SH3BGRL: variants seen among roughly 807,000 people sequenced by gnomAD.
SH3BGRL encodes adapter SH3BGRL.
In SH3BGRL, 7 loss-of-function variants were observed where a neutral mutation model predicts 9.8. The ratio of observed to expected loss-of-function variants is 0.72; its 90% CI spans 0.41 to 1.35. SH3BGRL has a LOEUF of 1.35. Ranked by LOEUF, SH3BGRL falls within the 40% of genes most tolerant of loss-of-function variation. SH3BGRL has a pLI of 0.01. For missense variants in SH3BGRL, 73 were observed against 84.4 expected, an observed-to-expected ratio of 0.86 and a Z score of 0.53; for synonymous variants, 36 against 29.1, an observed-to-expected ratio of 1.24 and a Z score of -0.76.
chrX:81,251,119 G>A (rs1159118122), intron 1 of SH3BGRL, among the ~76,000 whole-genome samples: 1 of 111,619 alleles, frequency 9.0e-6, no homozygotes, highest in Non-Finnish European at 1.9e-5. Flanking sequence ...ACTAAATTGG[G>A]CAATCTGAGA....
chrX:81,242,100 G>C (rs1418137429), intron 1 of SH3BGRL, among the ~76,000 whole-genome samples: 1 of 112,492 alleles, frequency 8.9e-6, no homozygotes, highest in Non-Finnish European at 1.9e-5. Context: ...GAAGCAGAAG[G>C]TGCTGCCAGC....
chrX:81,214,174 C>T (rs1007423167), intron 1 of SH3BGRL, among the ~76,000 whole-genome samples: 6 of 111,585 alleles, frequency 5.4e-5, no homozygotes, highest in Non-Finnish European at 9.4e-5. Flanking sequence ...TTGTTAGTTC[C>T]ATACAGGAAT....
At chrX:81,293,964 G>T (rs2075866286) in intron 3 of SH3BGRL, among the ~76,000 whole-genome samples, 1 of 111,573 alleles carries the variant, frequency 9.0e-6, no homozygotes, top group Non-Finnish European at 1.9e-5. Context: ...GGGATTTATA[G>T]AACTTTGAAC....
At position 81,281,222 on chromosome X, in the gene SH3BGRL, A is replaced by G. The variant is rs956266556; in HGVS notation, c.312+2811A>G. 2.7e-5 allele frequency among the ~76,000 whole-genome samples: 3 copies of G among 111,403 alleles called. No individual in the cohort carries two copies. In the Admixed American group the frequency reaches 2.9e-4, roughly 11 times the overall value. On this transcript the variant is annotated intron_variant, in intron 3 of 3. Coordinates refer to ENST00000373212, the MANE Select transcript of SH3BGRL (RefSeq NM_003022.3). ...ATAATTGGAGTTCCTGAGGAAGAAG[A>G]GAATTCTAAAATCTTGGAAAACATA...
chrX:81,287,306 C>A (rs754377874), intron 3 of SH3BGRL, among the ~76,000 whole-genome samples: 1 of 111,630 alleles, frequency 9.0e-6, no homozygotes, highest in East Asian at 2.8e-4. Context: ...ACTTATACTG[C>A]AGGAATTCAA....
At position 81,248,190 on chromosome X, in the gene SH3BGRL, ATGTCTTTT is replaced by A. The variant is rs777115029; in HGVS notation, c.46-28786_46-28779del. On this transcript the variant is annotated intron_variant, in intron 1 of 3. Transcript: ENST00000373212. ...TTCTGATTATGCTTATTTGAATCTT[ATGTCTTTT>A]TGTCTTTGTTAATCTAGATAGTGTA... 4.5e-5 allele frequency among the ~76,000 whole-genome samples: 5 copies of A among 110,604 alleles called. No homozygotes were observed. The East Asian group carries it at 1.4e-3, about 32-fold the overall frequency.
At chrX:81,226,831 C>CT (rs1400557345) in intron 1 of SH3BGRL, among the ~76,000 whole-genome samples, 5 of 110,034 alleles carry the variant, frequency 4.5e-5, no homozygotes, top group African/African-American at 1.6e-4. Flanking sequence ...AGAATCTCTC[C>CT]TAGAGCCCTC....
At chrX:81,292,168 G>A (rs142367393) in intron 3 of SH3BGRL, among the ~76,000 whole-genome samples, 1 of 112,160 alleles carries the variant, frequency 8.9e-6, no homozygotes, top group African/African-American at 3.2e-5. Context: ...CCCCAGTAGA[G>A]GTTCTGCATG....
At chrX:81,280,228 G>T (rs975969136) in intron 3 of SH3BGRL, among the ~76,000 whole-genome samples, 3 of 110,327 alleles carry the variant, frequency 2.7e-5, no homozygotes, top group African/African-American at 9.9e-5. Context: ...CCACCTGATG[G>T]TCCTTCCCTT....
At chrX:81,287,101 A>AAACTTCTTTCCCTATATGTGT (rs1404308997) in intron 3 of SH3BGRL, among the ~76,000 whole-genome samples, 207 of 111,664 alleles carry the variant, frequency 1.9e-3, no homozygotes, top group African/African-American at 6.2e-3. Flanking sequence ...TTAGGGAAAT[A>AAACTTCTTTCCCTATATGTGT]AACTTCTTTC....
Position 81,226,167 on chromosome X carries a change from A to G in SH3BGRL, c.45+23922A>G, listed in dbSNP as rs184763771. Among the ~76,000 whole-genome samples the G allele has an allele frequency of 3.6e-3, 405 of 111,156 alleles. 2 individuals carry two copies. Among genetic ancestry groups the G allele is most frequent in the Non-Finnish European group, 5.9e-3 (313 of 52,895 alleles). ...ACAAAGGATTTAAATTTAATTTAAA[A>G]TTAAACCAAAATGTGGTTCTTTCTA... On this transcript the variant is annotated intron_variant, in intron 1 of 3. Coordinates refer to ENST00000373212, the MANE Select transcript of SH3BGRL (RefSeq NM_003022.3).
intron 1 of SH3BGRL, among the ~76,000 whole-genome samples, chrX:81,260,452 G>T (rs2075737801): frequency 9.0e-6 from 1 of 111,443 alleles, no homozygotes; most frequent in Admixed American, 9.6e-5. Context: ...CCCATAGGAA[G>T]CACTTAATAC....
chrX:81,266,105 A>G, intron 1 of SH3BGRL, among the ~76,000 whole-genome samples: 1 of 111,832 alleles, frequency 8.9e-6, no homozygotes, highest in East Asian at 2.8e-4. Flanking sequence ...TTAGTCCTTT[A>G]TCAGATGGAC....
rs745881461 is a variant in SH3BGRL, at chrX:81,261,153, C to T, written c.46-15831C>T. Among the ~76,000 whole-genome samples the T allele has an allele frequency of 2.7e-5, 3 of 111,341 alleles. No homozygotes were observed. In the South Asian group the frequency reaches 1.1e-3, roughly 42 times the overall value. On this transcript the variant is annotated intron_variant, in intron 1 of 3. Transcript: ENST00000373212. ...AGACAGTGAAAAGTAGTGGAACAAA[C>T]TTAAGATTTAGAGTTAGGGATATCT...
At chrX:81,253,548 C>T (rs1291209762) in intron 1 of SH3BGRL, among the ~76,000 whole-genome samples, 1 of 110,630 alleles carries the variant, frequency 9.0e-6, no homozygotes, top group Admixed American at 9.6e-5. Context: ...ATCCATGACT[C>T]CTATTTTTAA....
chrX:81,219,634 C>T (rs1373871114), intron 1 of SH3BGRL, among the ~76,000 whole-genome samples: 1 of 111,619 alleles, frequency 9.0e-6, no homozygotes, highest in Non-Finnish European at 1.9e-5. Flanking sequence ...TCTGATTGCT[C>T]TAGCTAGGGC....
rs1392402481 is a variant in SH3BGRL, at chrX:81,223,044, G to A, written c.45+20799G>A. On this transcript the variant is annotated intron_variant, in intron 1 of 3. Transcript: ENST00000373212. ...TGTTTGTTTTTTTTCTTGTAAATTT[G>A]TTTGAGTTCATTGCAGATTCTGGAT... Among the ~76,000 whole-genome samples, 3 of 111,318 alleles carry A rather than the reference G, an allele frequency of 2.7e-5. No homozygotes were observed. The Admixed American group carries it at 2.9e-4, about 11-fold the overall frequency.
intron 1 of SH3BGRL, among the ~76,000 whole-genome samples, chrX:81,241,908 C>T (rs748469165): frequency 1.8e-4 from 20 of 112,370 alleles, no homozygotes; most frequent in African/African-American, 4.5e-4. Context: ...GCTGCCTGCC[C>T]GACAGCAGAA....
intron 1 of SH3BGRL, among the ~76,000 whole-genome samples, chrX:81,211,863 C>T (rs898283027): frequency 9.0e-6 from 1 of 110,765 alleles, no homozygotes; most frequent in Non-Finnish European, 1.9e-5. Flanking sequence ...TAAGTTAATA[C>T]TTAATAAACT....
Sources: gnomAD v4.1 joint callset for allele counts (sites outside exome capture counted in the v4.1 genomes callset) on GRCh38, gnomAD v4.1.1 for gene constraint, MANE v1.5 for transcripts, NCBI Gene and HGNC (gene_info 2026-07-23, HGNC 2026-07-21) for gene names.